GAN: variants seen among roughly 807,000 people sequenced by gnomAD.
The protein encoded by GAN is gigaxonin, also known as epididymis secretory sperm binding protein.
GAN carries 48 observed loss-of-function variants against 71.3 expected under a neutral mutation model. The observed-to-expected ratio is 0.67, with a 90% CI of 0.53 to 0.86. GAN has a LOEUF of 0.86. Among genes scored for constraint, GAN ranks in the 40% least tolerant of loss-of-function variants. The pLI, the probability that GAN is intolerant of heterozygous loss-of-function variation, is 0.00. For missense variants in GAN, 928 were observed against 770.1 expected (o/e 1.21, Z -2.43); for synonymous variants, 386 against 276.8 (o/e 1.39, Z -3.92).
At chr16:81,365,305 G>C (rs374707169) in intron 8 of GAN, 45 bp from the exon 9 acceptor site, 9 of 1,613,070 alleles carry the variant, frequency 5.6e-6, no homozygotes, top group Non-Finnish European at 7.6e-6. Context: ...GTGAGATCTC[G>C]CATTGTACAG....
chr16:81,344,202 A>G (rs1910040882), intron 1 of GAN, among the ~76,000 whole-genome samples: 1 of 152,206 alleles, frequency 6.6e-6, no homozygotes, highest in Admixed American at 6.5e-5. Context: ...TAATTTATAG[A>G]TTTAATGCTA....
intron 9 of GAN, among the ~76,000 whole-genome samples, chr16:81,375,435 C>T (rs1025094222): frequency 1.4e-5 from 2 of 147,256 alleles, no homozygotes; most frequent in African/African-American, 2.5e-5. Context: ...CTCCTTGACT[C>T]AAGCAATCCT....
intron 1 of GAN, among the ~76,000 whole-genome samples, chr16:81,341,696 C>T (rs908051689): frequency 3.3e-5 from 5 of 152,134 alleles, no homozygotes; most frequent in African/African-American, 9.7e-5. Context: ...ATTGTAAAGA[C>T]CATCGATGCT....
intron 1 of GAN, among the ~76,000 whole-genome samples, chr16:81,351,311 G>A (rs1189616801): frequency 1.3e-5 from 2 of 152,174 alleles, no homozygotes; most frequent in Non-Finnish European, 2.9e-5. Context: ...GATTTCCAAG[G>A]TGAAATACAG....
At chr16:81,339,412 G>C (rs1417215788) in intron 1 of GAN, among the ~76,000 whole-genome samples, 1 of 152,156 alleles carries the variant, frequency 6.6e-6, no homozygotes, top group Non-Finnish European at 1.5e-5. Flanking sequence ...AATCATATGT[G>C]AGAGCACTTC....
chr16:81,373,164 G>T (rs774048042), intron 9 of GAN, among the ~76,000 whole-genome samples: 1 of 152,196 alleles, frequency 6.6e-6, no homozygotes, highest in Non-Finnish European at 1.5e-5. Flanking sequence ...GGAAATAATT[G>T]TACATTTCTC....
intron 3 of GAN, among the ~76,000 whole-genome samples, chr16:81,356,257 T>C (rs1223688124): frequency 6.6e-6 from 1 of 152,206 alleles, no homozygotes; most frequent in South Asian, 2.1e-4. Flanking sequence ...TTCATATTAG[T>C]CGTCTTAGAT....
rs760392457 is a variant in GAN, at chr16:81,377,289, A to G, written c.1573A>G (p.Ile525Val). 1 of 1,610,142 alleles carries G rather than the reference A, an allele frequency of 6.2e-7. No homozygotes were observed. ...CTCTTTTGTTTATGGAGCTGTACCT[A>G]TAGGAGCCAGTATTTATGTTATTGG... ...SSSFVYGAVP[I>V]GASIYVIGDL... Residue 525 changes from isoleucine to valine, a missense_variant, in exon 10 of 11, where the codon ATA becomes GTA. By Grantham distance (29) the Ile-to-Val change is conservative. Transcript: ENST00000648994.
At position 81,357,824 on chromosome 16, in the gene GAN, C is replaced by G. The variant is rs2150687578; in HGVS notation, c.866C>G (p.Thr289Arg). 1 of 1,613,482 alleles carries G rather than the reference C, an allele frequency of 6.2e-7. No individual in the cohort carries two copies. Among genetic ancestry groups the G allele is most frequent in the East Asian group, 2.2e-5 (1 of 44,874 alleles). ...TACTTCCTTAGTTCACGGAAACCCA[C>G]AGCAGCGATGCGATGCATGTGCCCT... ...GGEERVSRKPTAAMRCMCPLY... is the reference protein window; with the variant it reads ...GGEERVSRKPRAAMRCMCPLY... Residue 289 changes from threonine to arginine, a missense_variant, in exon 5 of 11, where the codon ACA becomes AGA. By Grantham distance (71) the Thr-to-Arg change is moderately conservative (BLOSUM62 -1). Coordinates refer to ENST00000648994, the MANE Select transcript of GAN (RefSeq NM_022041.4).
intron 6 of GAN, 106 bp from the exon 7 acceptor site, chr16:81,363,688 A>C (rs1045926513): frequency 1.7e-6 from 2 of 1,156,750 alleles, no homozygotes; most frequent in African/African-American, 3.0e-5. Context: ...CCCATTGTCT[A>C]TTTTTGCCAT....
At chr16:81,338,753 G>A (rs928001426) in intron 1 of GAN, among the ~76,000 whole-genome samples, 1 of 152,234 alleles carries the variant, frequency 6.6e-6, no homozygotes, top group Non-Finnish European at 1.5e-5. Flanking sequence ...CGGGAGGGAA[G>A]TGGCTGTGAA....
At chr16:81,338,107 A>G (rs1424439530) in intron 1 of GAN, among the ~76,000 whole-genome samples, 1 of 152,212 alleles carries the variant, frequency 6.6e-6, no homozygotes, top group Non-Finnish European at 1.5e-5. Flanking sequence ...CCCTAGAAAC[A>G]GAAAACGCGG....
chr16:81,331,710 T>A (rs1481009933), intron 1 of GAN, among the ~76,000 whole-genome samples: 1 of 152,182 alleles, frequency 6.6e-6, no homozygotes, highest in Non-Finnish European at 1.5e-5. Context: ...CCTTGCATTC[T>A]CTCATTTCTT....
At chr16:81,334,702 T>G (rs1909696703) in intron 1 of GAN, among the ~76,000 whole-genome samples, 1 of 152,162 alleles carries the variant, frequency 6.6e-6, no homozygotes, top group Non-Finnish European at 1.5e-5. Context: ...TATCCCCTTC[T>G]CATTTGAGGA....
rs984403867 is a variant in GAN at position 81,388,925 on chromosome 16, T to C, written c.*11329T>C. The C allele has an allele frequency of 6.6e-6, 1 of 152,230 alleles. No individual in the cohort carries two copies. The highest frequency in any genetic ancestry group is 6.5e-5 in the Admixed American group (1 of 15,278). 9.4% of individuals were successfully genotyped at this position (152,230 alleles called of 1,614,324 possible). A position where few individuals can be genotyped will look rare whatever the true frequency, so the allele number is the denominator to read the frequency against. ...TTCAAAAGAAACTCCAAAAAATAAA[T>C]TTATTGTTAGTCTAGCATATGCTCA... On this transcript the variant is annotated 3_prime_UTR_variant, in exon 11 of 11. Coordinates refer to ENST00000648994, the MANE Select transcript of GAN (RefSeq NM_022041.4).
At chr16:81,373,361 C>T (rs1421957385) in intron 9 of GAN, among the ~76,000 whole-genome samples, 2 of 152,118 alleles carry the variant, frequency 1.3e-5, no homozygotes, top group East Asian at 1.9e-4. Flanking sequence ...TATTAACAGA[C>T]AATTGTTCAT....
At chr16:81,342,204 G>T (rs921100277) in intron 1 of GAN, among the ~76,000 whole-genome samples, 3 of 152,150 alleles carry the variant, frequency 2.0e-5, no homozygotes, top group Admixed American at 1.3e-4. Flanking sequence ...ACACCCCACT[G>T]TCAATATTAG....
intron 1 of GAN, among the ~76,000 whole-genome samples, chr16:81,343,235 A>C (rs28864156): frequency 6.6e-6 from 1 of 152,234 alleles, no homozygotes; most frequent in Non-Finnish European, 1.5e-5. Flanking sequence ...ATTCCGATCA[A>C]TAGAAAAAGG....
At chr16:81,331,386 G>A (rs1909572361) in intron 1 of GAN, among the ~76,000 whole-genome samples, 1 of 152,172 alleles carries the variant, frequency 6.6e-6, no homozygotes. Context: ...ACACTGCGGG[G>A]GAAAAGTGGT....
Sources: allele counts gnomAD v4.1 joint callset (sites outside exome capture counted in the v4.1 genomes callset), GRCh38; gene constraint gnomAD v4.1.1; transcripts MANE v1.5; gene names NCBI Gene and HGNC (gene_info 2026-07-23, HGNC 2026-07-21).